Variants in ORMDL1 observed in about 807,000 individuals in gnomAD.
ORMDL1 encodes the protein ORMDL sphingolipid biosynthesis regulator 1, also known as ORM1-like protein 1.
ORMDL1 carries 10 observed loss-of-function variants against 13.0 expected under a neutral mutation model. The observed-to-expected ratio is 0.77, with a 90% CI of 0.47 to 1.30. The LOEUF (loss-of-function observed/expected upper bound fraction) is 1.30, where lower values mean the gene tolerates loss of function less well. Ranked by LOEUF, ORMDL1 falls within the 50% of genes most tolerant of loss-of-function variation. The pLI is 0.00. For missense variants in ORMDL1, 171 were observed against 186.7 expected (o/e 0.92, Z 0.49); for synonymous variants, 61 against 63.9 (o/e 0.95, Z 0.22).
At chr2:189,784,134 G>A (rs2048019811) in intron 1 of ORMDL1, 135 bp downstream of exon 1, 2 of 152,346 alleles carry the variant, frequency 1.3e-5, no homozygotes, top group Admixed American at 1.3e-4. Flanking sequence ...AGGCCACTTG[G>A]CTCTTACGGC....
chr2:189,784,096 G>T (rs906160987), intron 1 of ORMDL1, 173 bp downstream of exon 1: 1 of 152,262 alleles, frequency 6.6e-6, no homozygotes, highest in African/African-American at 2.4e-5. Context: ...GCAAGACAAC[G>T]AGGATTTGCG....
intron 3 of ORMDL1, among the ~76,000 whole-genome samples, chr2:189,778,772 G>A (rs1185868050): frequency 1.3e-5 from 2 of 152,110 alleles, no homozygotes; most frequent in South Asian, 2.1e-4. Context: ...GCACATGCCT[G>A]TAGTCCCATC....
downstream of ORMDL1, among the ~76,000 whole-genome samples, chr2:189,766,576 T>G (rs1017100066): frequency 6.6e-6 from 1 of 152,060 alleles, no homozygotes; most frequent in Non-Finnish European, 1.5e-5. Context: ...ATACAAAAAT[T>G]AGCTGGTTGT....
chr2:189,777,709 G>C (rs1301208096), intron 3 of ORMDL1, among the ~76,000 whole-genome samples: 1 of 152,156 alleles, frequency 6.6e-6, no homozygotes, highest in Non-Finnish European at 1.5e-5. Context: ...GAATCAAAAT[G>C]AATCATTCAT....
downstream of ORMDL1, among the ~76,000 whole-genome samples, chr2:189,765,941 C>T (rs2047476941): frequency 6.6e-6 from 1 of 151,526 alleles, no homozygotes; most frequent in Admixed American, 6.6e-5. Context: ...ATTCTCCTGC[C>T]CCAGCCTCCT....
At chr2:189,777,391 A>G (rs1315288917) in intron 3 of ORMDL1, among the ~76,000 whole-genome samples, 1 of 152,198 alleles carries the variant, frequency 6.6e-6, no homozygotes, top group South Asian at 2.1e-4. Flanking sequence ...CATCGGGGGT[A>G]TAGGACCCCC....
chr2:189,777,156 A>G (rs1266239823), intron 3 of ORMDL1, among the ~76,000 whole-genome samples: 2 of 152,206 alleles, frequency 1.3e-5, no homozygotes, highest in Non-Finnish European at 2.9e-5. Flanking sequence ...ACAGTACAAT[A>G]TATCATGTTA....
In ORMDL1 at chr2:189,782,453, G is replaced by A. The variant is rs745334806; in HGVS notation, c.143C>T (p.Ala48Val). 2 of 1,613,910 alleles carry A rather than the reference G, an allele frequency of 1.2e-6. No individual in the cohort carries two copies. The highest frequency in any genetic ancestry group is 1.7e-6 in the Non-Finnish European group (2 of 1,179,864). The stretch of plus-strand genomic sequence containing the variant: ...ATGTATAATATTTGTTAAAGTCCAA[G>A]CAACAGGAACACTGAAGAAGGGAAT... ...LSIPFFSVPV[A>V]WTLTNIIHNL... is the part of the protein sequence containing the mutation. Residue 48 changes from alanine (A) to valine (V), a missense_variant, in exon 3 of 5, where the codon GCT becomes GTT. Ala to Val is a moderately conservative substitution (Grantham distance 64, BLOSUM62 0). Coordinates refer to ENST00000392349, the MANE Select transcript of ORMDL1 (RefSeq NM_016467.5).
At chr2:189,780,426 T>G (rs1055549145) in intron 3 of ORMDL1, among the ~76,000 whole-genome samples, 1 of 152,202 alleles carries the variant, frequency 6.6e-6, no homozygotes, top group African/African-American at 2.4e-5. Flanking sequence ...AGGATCAGAT[T>G]GTGGGTGGTA....
chr2:189,768,350 T>A (rs2047516668), downstream of ORMDL1, among the ~76,000 whole-genome samples: 1 of 152,226 alleles, frequency 6.6e-6, no homozygotes, highest in Non-Finnish European at 1.5e-5. Context: ...GACTATTAAA[T>A]TGCACTGGTT....
At chr2:189,767,705 A>T (rs1331211192), downstream of ORMDL1, among the ~76,000 whole-genome samples, 1 of 152,186 alleles carries the variant, frequency 6.6e-6, no homozygotes, top group Non-Finnish European at 1.5e-5. Flanking sequence ...CTTATCTGCT[A>T]AACTTAACAT....
chr2:189,776,241 AAT>A (rs2047692144), intron 3 of ORMDL1, among the ~76,000 whole-genome samples: 1 of 152,208 alleles, frequency 6.6e-6, no homozygotes, highest in Non-Finnish European at 1.5e-5. Context: ...AAGCAATAAA[AAT>A]AGTTTGATAT....
chr2:189,763,879 T>G, the ORMDL1 span: 1 of 152,250 alleles, frequency 6.6e-6, no homozygotes, highest in Non-Finnish European at 1.5e-5. Context: ...GTTTTTTATT[T>G]GGAACTTATG....
At chr2:189,779,002 A>G (rs2047762242) in intron 3 of ORMDL1, among the ~76,000 whole-genome samples, 1 of 152,160 alleles carries the variant, frequency 6.6e-6, no homozygotes, top group Non-Finnish European at 1.5e-5. Flanking sequence ...TGGGTAACAC[A>G]GCAAGACCCC....
chr2:189,775,127 TA>T, intron 4 of ORMDL1: 1 of 153,618 alleles, frequency 6.5e-6, no homozygotes, highest in Non-Finnish European at 1.4e-5. Context: ...AAGCCTGACC[TA>T]CTTTTTTCGA....
At chr2:189,766,763 C>T (rs763330529), downstream of ORMDL1, among the ~76,000 whole-genome samples, 5 of 151,956 alleles carry the variant, frequency 3.3e-5, no homozygotes, top group Non-Finnish European at 7.4e-5. Context: ...AACCAATAAG[C>T]TCCCATTCCT....
chr2:189,782,801 T>G (rs1010443770), intron 2 of ORMDL1, 199 bp from the exon 3 acceptor site: 2 of 496,160 alleles, frequency 4.0e-6, no homozygotes, highest in African/African-American at 3.8e-5. Flanking sequence ...GACTTTAGGG[T>G]AAGACAAGAC....
chr2:189,779,137 C>G (rs2047766158), intron 3 of ORMDL1, among the ~76,000 whole-genome samples: 1 of 152,134 alleles, frequency 6.6e-6, no homozygotes, highest in Non-Finnish European at 1.5e-5. Flanking sequence ...ATGATCATGC[C>G]ACTGCACTCC....
intron 4 of ORMDL1, among the ~76,000 whole-genome samples, chr2:189,773,462 C>T (rs1370326700): frequency 6.6e-6 from 1 of 152,164 alleles, no homozygotes; most frequent in East Asian, 1.9e-4. Context: ...GTGGCTCACC[C>T]TGTAATCCCA....
Sources: gnomAD v4.1 joint callset for allele counts (sites outside exome capture counted in the v4.1 genomes callset) on GRCh38, gnomAD v4.1.1 for gene constraint, MANE v1.5 for transcripts, NCBI Gene and HGNC (gene_info 2026-07-23, HGNC 2026-07-21) for gene names.